UBE3D: variants seen among roughly 807,000 people sequenced by gnomAD.
UBE3D encodes the protein E3 ubiquitin-protein ligase E3D.
A neutral mutation model predicts 49.6 loss-of-function variants in UBE3D; 48 were observed. The ratio of observed to expected loss-of-function variants is 0.97; its 90% confidence interval spans 0.77 to 1.23. The LOEUF (loss-of-function observed/expected upper bound fraction) is 1.23, where lower values mean the gene tolerates loss of function less well. Ranked by LOEUF, UBE3D falls within the 50% of genes most tolerant of loss-of-function variation. UBE3D has a pLI of 0.00. For synonymous variants in UBE3D, 189 were observed against 174.2 expected, an observed-to-expected ratio of 1.08 and a Z score of -0.67; for missense variants, 452 against 468.4, an observed-to-expected ratio of 0.96 and a Z score of 0.32.
intron 9 of UBE3D, among the ~76,000 whole-genome samples, chr6:82,929,426 T>G (rs925650219): frequency 6.6e-6 from 1 of 152,222 alleles, no homozygotes; most frequent in African/African-American, 2.4e-5. Flanking sequence ...TCCTATTTTT[T>G]GCAAAATTTC....
At chr6:83,058,802 G>T (rs1007956277) in intron 1 of UBE3D, among the ~76,000 whole-genome samples, 1 of 152,166 alleles carries the variant, frequency 6.6e-6, no homozygotes, top group East Asian at 1.9e-4. Context: ...AAATCTTATA[G>T]CTACTTTCTG....
At chr6:83,037,454 T>G (rs1003810059) in intron 5 of UBE3D, 5 of 152,214 alleles carry the variant, frequency 3.3e-5, no homozygotes, top group African/African-American at 1.2e-4. Flanking sequence ...AAGGCTTAAC[T>G]TTTTCTAAGG....
At chr6:82,965,496 T>C (rs190563293) in intron 8 of UBE3D, among the ~76,000 whole-genome samples, 2 of 147,806 alleles carry the variant, frequency 1.4e-5, no homozygotes, top group African/African-American at 5.0e-5. Flanking sequence ...GGCAGGAGAA[T>C]CGCTAGAACT....
At chr6:83,022,603 A>C in intron 6 of UBE3D, 42 bp from the exon 7 acceptor site, 1 of 1,447,518 alleles carries the variant, frequency 6.9e-7, no homozygotes, top group Non-Finnish European at 9.3e-7. Flanking sequence ...GTATCTCATA[A>C]TAACTCTAAC....
chr6:83,022,489 G>A lies in UBE3D; in HGVS notation c.810C>T (p.Phe270=), dbSNP rs749117466. The A allele has an allele frequency of 3.7e-6, 6 of 1,605,154 alleles. No individual in the cohort carries two copies. Among genetic ancestry groups the A allele is most frequent in the South Asian group, 3.4e-5 (3 of 89,362 alleles). The change falls in exon 7 of 10, where the codon TTC becomes TTT. Residue 270 remains phenylalanine, a synonymous_variant. Coordinates refer to ENST00000369747, the MANE Select transcript of UBE3D (RefSeq NM_198920.3). ...CTTTGTCATCCTGACCTTGAATCGTGAATCTAAAAGTGCTTCTAGCAGAGG... is the reference window on the plus strand; with the variant it reads ...CTTTGTCATCCTGACCTTGAATCGTAAATCTAAAAGTGCTTCTAGCAGAGG... ...QLSSARSTFR[F]TIQGQDDKVY...
chr6:82,966,127 C>T (rs1344009789), intron 8 of UBE3D, among the ~76,000 whole-genome samples: 7 of 151,986 alleles, frequency 4.6e-5, no homozygotes, highest in South Asian at 4.1e-4. Flanking sequence ...TGCAACTGAT[C>T]GGTATGTCTT....
the UBE3D span, among the ~76,000 whole-genome samples, chr6:82,883,720 C>T: frequency 6.6e-6 from 1 of 152,256 alleles, no homozygotes; most frequent in East Asian, 1.9e-4. Flanking sequence ...TCACCTCAAT[C>T]TAATATACTT....
intron 8 of UBE3D, among the ~76,000 whole-genome samples, chr6:82,998,650 A>T (rs963421787): frequency 1.2e-4 from 19 of 152,198 alleles, no homozygotes; most frequent in Non-Finnish European, 2.9e-5. Flanking sequence ...ACTTAAAAAA[A>T]TTTTTTAAGA....
intron 1 of UBE3D, 124 bp downstream of exon 1, chr6:83,065,518 G>A: frequency 1.2e-6 from 1 of 862,322 alleles, no homozygotes; most frequent in East Asian, 2.8e-5. Context: ...GAGTGATCGA[G>A]AGGCTCTACG....
At chr6:82,957,904 C>T (rs2127774727) in intron 8 of UBE3D, among the ~76,000 whole-genome samples, 2 of 152,220 alleles carry the variant, frequency 1.3e-5, no homozygotes, top group Middle Eastern at 6.8e-3. Flanking sequence ...GAACATTTAG[C>T]TCAGTGATTT....
At chr6:83,050,042 T>A (rs544942657) in intron 3 of UBE3D, among the ~76,000 whole-genome samples, 1 of 152,132 alleles carries the variant, frequency 6.6e-6, no homozygotes, top group East Asian at 1.9e-4. Flanking sequence ...AATTTTATTA[T>A]AAAGAAATGA....
intron 4 of UBE3D, 83 bp from the exon 5 acceptor site, chr6:83,038,568 T>A: frequency 1.7e-6 from 2 of 1,183,864 alleles, no homozygotes; most frequent in African/African-American, 1.6e-5. Context: ...CCCCAGAGTA[T>A]ACATTGAACT....
intron 9 of UBE3D, among the ~76,000 whole-genome samples, chr6:82,913,327 G>C (rs1035719971): frequency 6.6e-6 from 1 of 152,196 alleles, no homozygotes; most frequent in African/African-American, 2.4e-5. Context: ...GGGTTTTAGA[G>C]CCTGGGAGAA....
Position 82,943,465 on chromosome 6 carries a change from G to A in UBE3D, c.1149+13847C>T, listed in dbSNP as rs1215421305. On this transcript the variant is annotated intron_variant, in intron 9 of 9. Transcript: ENST00000369747. Reference sequence around the variant, plus strand: ...ACGCTGGGCAACATGGTGAAACCCCGTGTCCACTAAAAGTACAAAAATTAG... The same window carrying A: ...ACGCTGGGCAACATGGTGAAACCCCATGTCCACTAAAAGTACAAAAATTAG... 8.6e-5 allele frequency among the ~76,000 whole-genome samples: 13 copies of A among 152,016 alleles called. No homozygotes were observed. The South Asian group carries it at 1.0e-3, about 12-fold the overall frequency.
At chr6:82,991,782 C>T (rs1246480719) in intron 8 of UBE3D, among the ~76,000 whole-genome samples, 1 of 152,118 alleles carries the variant, frequency 6.6e-6, no homozygotes, top group Non-Finnish European at 1.5e-5. Flanking sequence ...CATCTTCTGA[C>T]CATTTCCTGA....
At position 82,892,692 on chromosome 6, in the gene UBE3D, A is replaced by C. The variant is rs1771025134; in HGVS notation, c.*330T>G. On this transcript the variant is annotated 3_prime_UTR_variant, in exon 10 of 10. Transcript: ENST00000369747. ...ACTGGATTCCACACAGGACAGATGG[A>C]TCTCCATTAGGTAATAACCTTCCAG... is the stretch of plus-strand genomic sequence containing the variant. The C allele has an allele frequency of 2.9e-6, 1 of 344,210 alleles. No individual in the cohort carries two copies. The highest frequency in any genetic ancestry group is 5.5e-6 in the Non-Finnish European group (1 of 180,244). The allele number at this position is 344,210 out of a possible 1,614,324, so 21.3% of individuals were successfully genotyped here. A position where few individuals can be genotyped will look rare whatever the true frequency, so the allele number is the denominator to read the frequency against.
intron 8 of UBE3D, among the ~76,000 whole-genome samples, chr6:83,003,648 C>T (rs913987804): frequency 2.0e-5 from 3 of 152,180 alleles, no homozygotes; most frequent in Non-Finnish European, 4.4e-5. Context: ...GCTACAGACC[C>T]ATAGCGCACA....
intron 9 of UBE3D, among the ~76,000 whole-genome samples, chr6:82,903,202 G>A (rs528847741): frequency 3.9e-5 from 6 of 152,158 alleles, no homozygotes; most frequent in East Asian, 1.9e-4. Flanking sequence ...GCCCAGGCTG[G>A]TCTCAAACTG....
At chr6:83,059,183 A>G (rs530956777) in intron 1 of UBE3D, among the ~76,000 whole-genome samples, 1 of 152,236 alleles carries the variant, frequency 6.6e-6, no homozygotes, top group African/African-American at 2.4e-5. Context: ...GAAGTTTGAG[A>G]CCAGCCTGGG....
Sources: gnomAD v4.1 joint callset for allele counts (sites outside exome capture counted in the v4.1 genomes callset) on GRCh38, gnomAD v4.1.1 for gene constraint, MANE v1.5 for transcripts, NCBI Gene and HGNC (gene_info 2026-07-23, HGNC 2026-07-21) for gene names.